TNFSF4: variants seen among roughly 807,000 people sequenced by gnomAD.
TNFSF4 encodes tumor necrosis factor ligand superfamily member 4.
A neutral mutation model predicts 7.3 loss-of-function variants in TNFSF4; 4 were observed. The ratio of observed to expected loss-of-function variants is 0.55; its 90% confidence interval spans 0.27 to 1.25. The LOEUF (loss-of-function observed/expected upper bound fraction) is 1.25, where lower values mean the gene tolerates loss of function less well. Ranked by LOEUF, TNFSF4 falls within the 50% of genes most tolerant of loss-of-function variation. TNFSF4 has a pLI of 0.12. For missense variants in TNFSF4, 181 were observed against 208.8 expected, an observed-to-expected ratio of 0.87 and a Z score of 0.82; for synonymous variants, 76 against 83.7, an observed-to-expected ratio of 0.91 and a Z score of 0.50.
chr1:173,416,608 T>TTTTATTTATTTATTTATTTATTTA, the TNFSF4 span, among the ~76,000 whole-genome samples: 14 of 121,982 alleles, frequency 1.1e-4, no homozygotes, highest in African/African-American at 4.3e-4. Flanking sequence ...ATTTTTTTAT[T>TTTTATTTATTTATTTATTTATTTA]TTTATTTATT....
intron 1 of TNFSF4, among the ~76,000 whole-genome samples, chr1:173,206,633 C>G (rs1233666687): frequency 1.3e-5 from 2 of 152,172 alleles, no homozygotes; most frequent in Admixed American, 1.3e-4. Context: ...GAAAGTGGAA[C>G]TGGTCTCTTT....
the TNFSF4 span, among the ~76,000 whole-genome samples, chr1:173,368,856 T>C: frequency 6.6e-6 from 1 of 152,196 alleles, no homozygotes; most frequent in Non-Finnish European, 1.5e-5. Flanking sequence ...TCTCCAAGGC[T>C]AGTCCTGTTT....
chr1:173,407,704 G>C, the TNFSF4 span, among the ~76,000 whole-genome samples: 3 of 13,232 alleles, frequency 2.3e-4, no homozygotes, highest in Non-Finnish European at 9.6e-4. Context: ...ATGTAAATGG[G>C]TGTGTGTGTG....
chr1:173,179,051 A>C (rs1007007493), downstream of TNFSF4, among the ~76,000 whole-genome samples: 30 of 152,246 alleles, frequency 2.0e-4, no homozygotes, highest in Non-Finnish European at 4.4e-5. Context: ...AAAAGGAACC[A>C]GCTCTGCTAA....
the TNFSF4 span, among the ~76,000 whole-genome samples, chr1:173,364,225 G>A: frequency 1.4e-5 from 2 of 143,614 alleles, no homozygotes; most frequent in Non-Finnish European, 3.0e-5. Flanking sequence ...AGAAGACTAG[G>A]TATATATATA....
the TNFSF4 span, among the ~76,000 whole-genome samples, chr1:173,300,169 A>G: frequency 1.5e-4 from 21 of 140,868 alleles, no homozygotes; most frequent in African/African-American, 6.3e-4. Context: ...AGATACATAC[A>G]TACATACATA....
At chr1:173,359,463 AAAG>A in the TNFSF4 span, among the ~76,000 whole-genome samples, 105 of 21,740 alleles carry the variant, frequency 4.8e-3, 2 homozygotes, top group South Asian at 0.016. Flanking sequence ...AAAAAAAAAA[AAAG>A]AAAAGAAAAA....
At chr1:173,231,345 C>T in the TNFSF4 span, among the ~76,000 whole-genome samples, 1 of 152,138 alleles carries the variant, frequency 6.6e-6, no homozygotes, top group Non-Finnish European at 1.5e-5. Context: ...AGGCAAAAAC[C>T]ACATGATTAT....
chr1:173,191,750 C>T (rs983988345), intron 1 of TNFSF4, among the ~76,000 whole-genome samples: 2 of 152,180 alleles, frequency 1.3e-5, no homozygotes, highest in Non-Finnish European at 2.9e-5. Flanking sequence ...AGCATTTCTT[C>T]GCTTTAGCCT....
the TNFSF4 span, among the ~76,000 whole-genome samples, chr1:173,442,374 GA>G: frequency 6.6e-6 from 1 of 151,876 alleles, no homozygotes; most frequent in Non-Finnish European, 1.5e-5. Context: ...CTCCTCCCCA[GA>G]ACCCCTTCAA....
the TNFSF4 span, among the ~76,000 whole-genome samples, chr1:173,413,548 A>G: frequency 6.6e-6 from 1 of 152,222 alleles, no homozygotes; most frequent in Non-Finnish European, 1.5e-5. Flanking sequence ...CACAGGGCAC[A>G]TCGGTGTGGA....
At chr1:173,422,881 AT>A in the TNFSF4 span, among the ~76,000 whole-genome samples, 1 of 152,172 alleles carries the variant, frequency 6.6e-6, no homozygotes, top group African/African-American at 2.4e-5. Flanking sequence ...ACACCACCAG[AT>A]GAGAGAGTTG....
At chr1:173,206,386 T>G (rs1650190360) in intron 1 of TNFSF4, among the ~76,000 whole-genome samples, 1 of 152,166 alleles carries the variant, frequency 6.6e-6, no homozygotes, top group Non-Finnish European at 1.5e-5. Flanking sequence ...AAGGATAATC[T>G]CCTACTACAT....
chr1:173,179,051 A>G (rs1007007493), downstream of TNFSF4, among the ~76,000 whole-genome samples: 2 of 152,246 alleles, frequency 1.3e-5, no homozygotes, highest in South Asian at 4.1e-4. Flanking sequence ...AAAAGGAACC[A>G]GCTCTGCTAA....
chr1:173,435,177 T>C, the TNFSF4 span, among the ~76,000 whole-genome samples: 3 of 152,086 alleles, frequency 2.0e-5, 1 homozygote, highest in South Asian at 6.2e-4. Flanking sequence ...AACCCCTATA[T>C]AGATGGACCC....
chr1:173,300,415 T>C, the TNFSF4 span, among the ~76,000 whole-genome samples: 2 of 151,864 alleles, frequency 1.3e-5, no homozygotes, highest in African/African-American at 4.8e-5. Flanking sequence ...CATTTTACTT[T>C]ACCAGCCCTT....
chr1:173,364,379 G>GTATA, the TNFSF4 span, among the ~76,000 whole-genome samples: 2,661 of 109,028 alleles, frequency 0.024, 37 homozygotes, highest in Non-Finnish European at 0.03. Context: ...TGGGGTGTAT[G>GTATA]TGTATATATA....
chr1:173,311,952 A>G, the TNFSF4 span, among the ~76,000 whole-genome samples: 1 of 152,100 alleles, frequency 6.6e-6, no homozygotes, highest in Non-Finnish European at 1.5e-5. Flanking sequence ...TGAATTAGCA[A>G]TGTCTAATAT....
chr1:173,260,237 A>C, the TNFSF4 span, among the ~76,000 whole-genome samples: 9 of 152,226 alleles, frequency 5.9e-5, no homozygotes, highest in Non-Finnish European at 1.0e-4. Context: ...TATCCAACCA[A>C]ATGAAGCTTT....
Sources: allele counts gnomAD v4.1 joint callset (sites outside exome capture counted in the v4.1 genomes callset), GRCh38; gene constraint gnomAD v4.1.1; transcripts MANE v1.5; gene names NCBI Gene and HGNC (gene_info 2026-07-23, HGNC 2026-07-21).